The following MACROD2 variants were observed in gnomAD, a reference collection of about 807,000 sequenced individuals.
MACROD2 encodes the protein ADP-ribose glycohydrolase MACROD2.
MACROD2 carries 36 observed loss-of-function variants against 70.4 expected under a neutral mutation model. The ratio of observed to expected loss-of-function variants is 0.51; its 90% CI spans 0.39 to 0.68. The LOEUF (loss-of-function observed/expected upper bound fraction) is 0.68, where lower values mean the gene tolerates loss of function less well. Ranked by LOEUF, MACROD2 falls within the 30% of genes least tolerant of loss-of-function variation. The pLI is 0.00. For synonymous variants in MACROD2, 172 were observed against 178.8 expected, an observed-to-expected ratio of 0.96 and a Z score of 0.30; for missense variants, 496 against 538.4, an observed-to-expected ratio of 0.92 and a Z score of 0.78.
intron 3 of MACROD2, among the ~76,000 whole-genome samples, chr20:14,157,674 G>A (rs2055123056): frequency 6.6e-6 from 1 of 152,098 alleles, no homozygotes; most frequent in Non-Finnish European, 1.5e-5. Flanking sequence ...TTGAGAATAT[G>A]TGATACTAGT....
At chr20:15,205,980 G>A (rs1406595601) in intron 5 of MACROD2, among the ~76,000 whole-genome samples, 1 of 152,068 alleles carries the variant, frequency 6.6e-6, no homozygotes, top group Admixed American at 6.5e-5. Flanking sequence ...AAAGCAATTT[G>A]CAAGGAAGCA....
intron 4 of MACROD2, among the ~76,000 whole-genome samples, chr20:14,624,620 T>C (rs757598449): frequency 2.0e-5 from 3 of 152,248 alleles, no homozygotes; most frequent in Non-Finnish European, 4.4e-5. Flanking sequence ...AGCACTGAAA[T>C]GAAACTACTA....
chr20:15,514,257 C>T (rs912312482), intron 8 of MACROD2, among the ~76,000 whole-genome samples: 2 of 152,172 alleles, frequency 1.3e-5, no homozygotes, highest in Admixed American at 6.5e-5. Context: ...CAGTAATGAA[C>T]CAGGCCTTCA....
chr20:14,624,727 A>C (rs1984033995), intron 4 of MACROD2, among the ~76,000 whole-genome samples: 2 of 152,168 alleles, frequency 1.3e-5, no homozygotes, highest in Non-Finnish European at 2.9e-5. Context: ...TGGAAACTGC[A>C]CTTCTTCCTC....
At chr20:14,177,498 T>C (rs2081272536) in intron 3 of MACROD2, among the ~76,000 whole-genome samples, 1 of 152,074 alleles carries the variant, frequency 6.6e-6, no homozygotes, top group Non-Finnish European at 1.5e-5. Flanking sequence ...GTATTTTTAG[T>C]AGAGACGGGG....
chr20:14,278,778 ACATGAGTTCTGCCT>A (rs1236285969), intron 3 of MACROD2, among the ~76,000 whole-genome samples: 1 of 152,224 alleles, frequency 6.6e-6, no homozygotes, highest in Non-Finnish European at 1.5e-5. Flanking sequence ...ATTTTGGAGT[ACATGAGTTCTGCCT>A]CATGAGTACA....
chr20:14,997,735 C>T (rs141157342), intron 5 of MACROD2, among the ~76,000 whole-genome samples: 1 of 152,024 alleles, frequency 6.6e-6, no homozygotes, highest in African/African-American at 2.4e-5. Context: ...AACTAAGGAG[C>T]CCTTGGGCCT....
chr20:14,782,967 G>A (rs571563218), intron 5 of MACROD2, among the ~76,000 whole-genome samples: 1 of 152,192 alleles, frequency 6.6e-6, no homozygotes, highest in East Asian at 1.9e-4. Context: ...AAACCCTTCA[G>A]CTTCTGAATG....
At chr20:15,210,860 A>C (rs1000689788) in intron 5 of MACROD2, among the ~76,000 whole-genome samples, 1 of 152,162 alleles carries the variant, frequency 6.6e-6, no homozygotes, top group Non-Finnish European at 1.5e-5. Context: ...CCTCCAAGCC[A>C]TGCTGCCTGT....
At chr20:15,904,555 A>G (rs1456684425) in intron 10 of MACROD2, among the ~76,000 whole-genome samples, 1 of 152,048 alleles carries the variant, frequency 6.6e-6, no homozygotes, top group Non-Finnish European at 1.5e-5. Context: ...ATGATCATGT[A>G]ATTGCTGTCA....
chr20:14,522,595 C>A (rs552574754), intron 4 of MACROD2, among the ~76,000 whole-genome samples: 1 of 152,312 alleles, frequency 6.6e-6, no homozygotes, highest in East Asian at 1.9e-4. Flanking sequence ...GTTTGTGGAA[C>A]GTCAAATTCA....
At chr20:15,876,091 T>TTTTATATATATATA (rs1555789633) in intron 9 of MACROD2, among the ~76,000 whole-genome samples, 8 of 33,122 alleles carry the variant, frequency 2.4e-4, no homozygotes, top group South Asian at 2.8e-3. Flanking sequence ...TACATGTCTT[T>TTTTATATATATATA]TATATATATA....
intron 5 of MACROD2, among the ~76,000 whole-genome samples, chr20:14,919,262 T>C (rs2074131495): frequency 6.6e-6 from 1 of 152,200 alleles, no homozygotes; most frequent in South Asian, 2.1e-4. Context: ...CCTAGTTCTC[T>C]CCTCCATGTT....
chr20:15,291,896 C>T (rs1210218188), intron 6 of MACROD2, among the ~76,000 whole-genome samples: 1 of 151,964 alleles, frequency 6.6e-6, no homozygotes, highest in East Asian at 1.9e-4. Flanking sequence ...CATTGTAATC[C>T]AAATAAAGCT....
At chr20:14,595,704 G>A (rs1303449322) in intron 4 of MACROD2, among the ~76,000 whole-genome samples, 5 of 152,102 alleles carry the variant, frequency 3.3e-5, no homozygotes, top group African/African-American at 1.2e-4. Context: ...CAAATGTTAC[G>A]CACTTTTGAA....
intron 15 of MACROD2, among the ~76,000 whole-genome samples, chr20:16,027,951 C>T (rs1174810278): frequency 6.6e-6 from 1 of 152,114 alleles, no homozygotes; most frequent in Non-Finnish European, 1.5e-5. Flanking sequence ...GTGGAGAATG[C>T]ATAATGAGGC....
intron 5 of MACROD2, among the ~76,000 whole-genome samples, chr20:15,125,826 AC>A (rs2076062182): frequency 6.6e-6 from 1 of 151,634 alleles, no homozygotes; most frequent in Non-Finnish European, 1.5e-5. Flanking sequence ...TAAACCTTAG[AC>A]CCATTCATAT....
chr20:15,271,163 T>C (rs2077342932), intron 6 of MACROD2, among the ~76,000 whole-genome samples: 1 of 152,270 alleles, frequency 6.6e-6, no homozygotes, highest in South Asian at 2.1e-4. Flanking sequence ...TTTCTCACAG[T>C]TCTGGAGGTT....
chr20:16,015,713 G>A lies in MACROD2; in HGVS notation c.1154-25488G>A, dbSNP rs145614992. Among the ~76,000 whole-genome samples the A allele has an allele frequency of 1.4e-3, 213 of 151,962 alleles. 1 individual carries two copies. The highest frequency in any genetic ancestry group is 6.0e-3 in the South Asian group (29 of 4,806). ...TATAAACTTTTAATATTTTTGTTGC[G>A]TTTACTGTTGACTAAACTTTTTTGT... On this transcript the variant is annotated intron_variant, in intron 15 of 17. Transcript: ENST00000684519.
Sources: allele counts gnomAD v4.1 joint callset (sites outside exome capture counted in the v4.1 genomes callset), GRCh38; gene constraint gnomAD v4.1.1; transcripts MANE v1.5; gene names NCBI Gene and HGNC (gene_info 2026-07-23, HGNC 2026-07-21).